Variants in GRIA3 observed in about 807,000 individuals in gnomAD.
GRIA3 encodes glutamate ionotropic receptor AMPA type subunit 3.
In GRIA3, 3 loss-of-function variants were observed where a neutral mutation model predicts 63.0. The observed-to-expected ratio is 0.05, with a 90% confidence interval of 0.02 to 0.12. The LOEUF (loss-of-function observed/expected upper bound fraction) is 0.12, where lower values mean the gene tolerates loss of function less well. Among genes scored for constraint, GRIA3 ranks in the 10% least tolerant of loss-of-function variants. GRIA3 has a pLI of 1.00. For synonymous variants in GRIA3, 274 were observed against 257.9 expected (o/e 1.06, Z -0.60); for missense variants, 347 against 700.9 (o/e 0.50, Z 5.70).
At chrX:123,360,487 C>A (rs1218281952) in intron 5 of GRIA3, among the ~76,000 whole-genome samples, 1 of 95,280 alleles carries the variant, frequency 1.0e-5, no homozygotes, top group African/African-American at 4.0e-5. Flanking sequence ...TCAAGACCAG[C>A]CTGGCCAATA....
intron 2 of GRIA3, among the ~76,000 whole-genome samples, chrX:123,210,518 CA>C: frequency 9.0e-6 from 1 of 111,433 alleles, no homozygotes; most frequent in Non-Finnish European, 1.9e-5. Flanking sequence ...TAACATTAGG[CA>C]AAAATGTTCT....
At chrX:123,259,845 G>A (rs1412610856) in intron 3 of GRIA3, among the ~76,000 whole-genome samples, 1 of 111,561 alleles carries the variant, frequency 9.0e-6, no homozygotes, top group Non-Finnish European at 1.9e-5. Flanking sequence ...ATTCTTAACA[G>A]TTGAACACAA....
chrX:123,366,765 G>A (rs1324054414), intron 5 of GRIA3, among the ~76,000 whole-genome samples: 1 of 111,884 alleles, frequency 8.9e-6, no homozygotes, highest in Non-Finnish European at 1.9e-5. Flanking sequence ...CAACGCACAT[G>A]GAATATGTAA....
chrX:123,333,343 T>A (rs2044953878), intron 4 of GRIA3, among the ~76,000 whole-genome samples: 1 of 111,027 alleles, frequency 9.0e-6, no homozygotes, highest in South Asian at 3.9e-4. Flanking sequence ...GCAAATGGGA[T>A]CAGACCTCCA....
chrX:123,311,000 CAAA>C (rs34433989), intron 3 of GRIA3, among the ~76,000 whole-genome samples: 2,383 of 86,236 alleles, frequency 0.028, 76 homozygotes, highest in African/African-American at 0.093. Context: ...GAGAATCTGT[CAAA>C]AAAAAAAAAA....
At chrX:123,235,766 A>G (rs2044298245) in intron 2 of GRIA3, among the ~76,000 whole-genome samples, 1 of 110,883 alleles carries the variant, frequency 9.0e-6, no homozygotes, top group Non-Finnish European at 1.9e-5. Context: ...TGACTTGGAA[A>G]TCTCAGAACA....
At chrX:123,343,620 T>A (rs1339154067) in intron 4 of GRIA3, among the ~76,000 whole-genome samples, 2 of 106,029 alleles carry the variant, frequency 1.9e-5, no homozygotes, top group East Asian at 3.0e-4. Context: ...AGAGAGAGAT[T>A]GAGCATCTCA....
At chrX:123,359,237 A>C (rs2147352751) in intron 5 of GRIA3, among the ~76,000 whole-genome samples, 1 of 112,397 alleles carries the variant, frequency 8.9e-6, no homozygotes, top group African/African-American at 3.2e-5. Context: ...CTGTGATTTT[A>C]TAGATACCAT....
intron 2 of GRIA3, among the ~76,000 whole-genome samples, chrX:123,204,159 G>A (rs1349792086): frequency 8.9e-6 from 1 of 111,776 alleles, no homozygotes; most frequent in Non-Finnish European, 1.9e-5. Context: ...ATTTATCAGG[G>A]GCATTCTGGA....
At chrX:123,264,095 T>G (rs2044474663) in intron 3 of GRIA3, among the ~76,000 whole-genome samples, 1 of 112,152 alleles carries the variant, frequency 8.9e-6, no homozygotes, top group Non-Finnish European at 1.9e-5. Context: ...CCAAGTAGAT[T>G]TTTGAATCCA....
At chrX:123,298,584 CT>C (rs1204040465) in intron 3 of GRIA3, among the ~76,000 whole-genome samples, 8 of 109,104 alleles carry the variant, frequency 7.3e-5, no homozygotes, top group Non-Finnish European at 1.5e-4. Flanking sequence ...GGGTCGTTTG[CT>C]TTTTCTTGTA....
chrX:123,270,249 T>C (rs988301142), intron 3 of GRIA3, among the ~76,000 whole-genome samples: 2 of 112,342 alleles, frequency 1.8e-5, no homozygotes, highest in African/African-American at 6.5e-5. Flanking sequence ...CATTGCCATA[T>C]GGCTGGATGG....
intron 2 of GRIA3, among the ~76,000 whole-genome samples, chrX:123,214,573 CAATT>C (rs1428907957): frequency 4.5e-5 from 5 of 111,194 alleles, no homozygotes; most frequent in Non-Finnish European, 9.4e-5. Flanking sequence ...TAATAAATAG[CAATT>C]AGTTGAGTGT....
intron 4 of GRIA3, among the ~76,000 whole-genome samples, chrX:123,337,531 G>GATAAAAAGGA (rs1288725783): frequency 9.0e-6 from 1 of 111,657 alleles, no homozygotes; most frequent in Non-Finnish European, 1.9e-5. Flanking sequence ...GGATAACTAG[G>GATAAAAAGGA]TGAACGGATT....
intron 3 of GRIA3, among the ~76,000 whole-genome samples, chrX:123,305,663 GA>G (rs1293759811): frequency 1.8e-5 from 2 of 111,883 alleles, no homozygotes; most frequent in African/African-American, 6.5e-5. Flanking sequence ...GGAGAGAGTG[GA>G]AAGTAGAAAA....
chrX:123,308,777 C>T (rs2044771040), intron 3 of GRIA3, among the ~76,000 whole-genome samples: 2 of 111,868 alleles, frequency 1.8e-5, no homozygotes, highest in Admixed American at 1.9e-4. Flanking sequence ...TGGCTGCTGC[C>T]GCCACATCAC....
intron 2 of GRIA3, chrX:123,202,879 C>G (rs139753071): frequency 0.016 from 13,708 of 878,111 alleles, 94 homozygotes; most frequent in Middle Eastern, 0.033. Context: ...TCTCCCCACT[C>G]TGGAAGCTTG....
intron 12 of GRIA3, among the ~76,000 whole-genome samples, chrX:123,454,941 A>C (rs914085832): frequency 8.9e-6 from 1 of 111,932 alleles, no homozygotes; most frequent in Non-Finnish European, 1.9e-5. Context: ...GTCTCAGGAA[A>C]CTTAGCTGAT....
intron 2 of GRIA3, among the ~76,000 whole-genome samples, chrX:123,217,812 C>T (rs1349689773): frequency 8.9e-6 from 1 of 112,043 alleles, no homozygotes; most frequent in African/African-American, 3.3e-5. Context: ...GTACTGTTAC[C>T]TCTCTCTCTC....
Sources: gnomAD v4.1 joint callset for allele counts (sites outside exome capture counted in the v4.1 genomes callset) on GRCh38, gnomAD v4.1.1 for gene constraint, MANE v1.5 for transcripts, NCBI Gene and HGNC (gene_info 2026-07-23, HGNC 2026-07-21) for gene names.